Variants in SULT1B1 observed in about 807,000 individuals in gnomAD.
SULT1B1 encodes the protein sulfotransferase 1B1.
SULT1B1 carries 28 observed loss-of-function variants against 34.6 expected under a neutral mutation model. That is an observed-to-expected ratio of 0.81 (90% confidence interval 0.60 to 1.11). The LOEUF (loss-of-function observed/expected upper bound fraction) is 1.11, where lower values mean the gene tolerates loss of function less well. Ranked by LOEUF, SULT1B1 falls within the 50% of genes least tolerant of loss-of-function variation. The pLI, the probability that SULT1B1 is intolerant of heterozygous loss-of-function variation, is 0.00. For synonymous variants in SULT1B1, 147 were observed against 110.2 expected, an observed-to-expected ratio of 1.33 and a Z score of -2.09; for missense variants, 374 against 352.2, an observed-to-expected ratio of 1.06 and a Z score of -0.50.
intron 1 of SULT1B1, among the ~76,000 whole-genome samples, chr4:69,756,035 A>T (rs1258074234): frequency 6.6e-6 from 1 of 152,124 alleles, no homozygotes; most frequent in Non-Finnish European, 1.5e-5. Flanking sequence ...TGTAATTACT[A>T]ACCTTTTCTT....
At chr4:69,759,672 T>A (rs1188764122) in intron 1 of SULT1B1, among the ~76,000 whole-genome samples, 2 of 152,222 alleles carry the variant, frequency 1.3e-5, no homozygotes, top group Non-Finnish European at 2.9e-5. Flanking sequence ...AAATAATTAA[T>A]ATAATTAAAC....
chr4:69,745,760 G>T (rs552539001), intron 4 of SULT1B1, among the ~76,000 whole-genome samples: 2 of 152,322 alleles, frequency 1.3e-5, no homozygotes, highest in East Asian at 3.9e-4. Context: ...TGTGCTGTCA[G>T]ATGGTTATTA....
chr4:69,739,282 T>C (rs1266506825), intron 4 of SULT1B1, among the ~76,000 whole-genome samples: 1 of 152,222 alleles, frequency 6.6e-6, no homozygotes, highest in East Asian at 1.9e-4. Flanking sequence ...AGGTTCTCCA[T>C]GAGAGCTCCG....
chr4:69,729,141 C>T (rs116517287), intron 7 of SULT1B1, among the ~76,000 whole-genome samples: 1,792 of 151,940 alleles, frequency 0.012, 41 homozygotes, highest in African/African-American at 0.041. Context: ...TGAGAATTTG[C>T]CTTGTTTAAT....
chr4:69,748,804 A>G (rs779139671), intron 4 of SULT1B1, among the ~76,000 whole-genome samples: 2 of 152,170 alleles, frequency 1.3e-5, no homozygotes, highest in African/African-American at 4.8e-5. Context: ...TGTGCATAGC[A>G]TTGAGTGCAA....
In SULT1B1 at chr4:69,733,429, T is replaced by C. The variant is rs762448974; in HGVS notation, c.581A>G (p.Tyr194Cys). ...KEEHPILFLY[Y>C]EDMKENPKEE... ...CCATTTTACCTCTTTCATATCTTCATAGTACAAAAAAAGTATTGGGTGTTC... is the reference window on the plus strand; with the variant it reads ...CCATTTTACCTCTTTCATATCTTCACAGTACAAAAAAAGTATTGGGTGTTC... Residue 194 changes from tyrosine to cysteine, a missense_variant, in exon 6 of 8, where the codon TAT becomes TGT. Physicochemically the swap from Tyr to Cys is radical, Grantham distance 194. Coordinates refer to ENST00000310613, the MANE Select transcript of SULT1B1 (RefSeq NM_014465.4). 1.3e-4 allele frequency: 208 copies of C among 1,605,370 alleles called. No homozygotes were observed. The highest frequency in any genetic ancestry group is 1.7e-4 in the Non-Finnish European group (200 of 1,176,254).
Position 69,725,112 on chromosome 4 carries a change from A to G in SULT1B1, c.*1976T>C, listed in dbSNP as rs1196709600. On this transcript the variant is annotated 3_prime_UTR_variant, in exon 8 of 8. Coordinates refer to ENST00000310613, the MANE Select transcript of SULT1B1 (RefSeq NM_014465.4). ...CTACAGAATGGGAGAAAATTTTTGC[A>G]ATCTACTCATCTGACAAAGGGCTAA... The G allele has an allele frequency of 2.0e-5, 3 of 152,010 alleles. No individual in the cohort carries two copies. Among genetic ancestry groups the G allele is most frequent in the African/African-American group, 7.3e-5 (3 of 41,292 alleles). 9.4% of individuals were successfully genotyped at this position (152,010 alleles called of 1,614,324 possible). A position where few individuals can be genotyped will look rare whatever the true frequency, so the allele number is the denominator to read the frequency against.
intron 1 of SULT1B1, among the ~76,000 whole-genome samples, chr4:69,757,274 G>T (rs2110033615): frequency 6.6e-6 from 1 of 152,144 alleles, no homozygotes; most frequent in Non-Finnish European, 1.5e-5. Flanking sequence ...TGTATAGATA[G>T]AATTTGAACT....
chr4:69,752,414 TA>T (rs1414301377), intron 3 of SULT1B1, among the ~76,000 whole-genome samples: 1 of 152,176 alleles, frequency 6.6e-6, no homozygotes, highest in Non-Finnish European at 1.5e-5. Context: ...CTTGGTCAGA[TA>T]AATTAAGTAC....
intron 3 of SULT1B1, among the ~76,000 whole-genome samples, chr4:69,751,747 C>CGGCCTAGA (rs1349286985): frequency 6.6e-6 from 1 of 152,182 alleles, no homozygotes; most frequent in Non-Finnish European, 1.5e-5. Flanking sequence ...CCACCGCGCC[C>CGGCCTAGA]GGCCTAGAGT....
intron 4 of SULT1B1, among the ~76,000 whole-genome samples, chr4:69,748,580 C>G (rs537057963): frequency 2.5e-4 from 38 of 152,136 alleles, no homozygotes; most frequent in Non-Finnish European, 5.0e-4. Flanking sequence ...GCAACCTGCT[C>G]AAGAGCTCAG....
intron 1 of SULT1B1, 102 bp from the exon 2 acceptor site, chr4:69,755,363 G>A (rs1436139043): frequency 2.3e-5 from 19 of 821,474 alleles, no homozygotes; most frequent in African/African-American, 2.1e-4. Context: ...AACATTCTGC[G>A]CACATGGAGA....
intron 1 of SULT1B1, among the ~76,000 whole-genome samples, chr4:69,759,452 G>A (rs1229568727): frequency 6.6e-6 from 1 of 152,158 alleles, no homozygotes; most frequent in Non-Finnish European, 1.5e-5. Context: ...TAAAATTGTT[G>A]CCGGAGAAGG....
chr4:69,737,396 T>A (rs1718360241), intron 4 of SULT1B1, among the ~76,000 whole-genome samples: 2 of 152,040 alleles, frequency 1.3e-5, no homozygotes, highest in Admixed American at 6.6e-5. Context: ...ATGAAAACTT[T>A]AGAAAAGAAA....
rs561657148 is a variant in SULT1B1 at position 69,738,381 on chromosome 4, G to T, written c.376-4117C>A. On this transcript the variant is annotated intron_variant, in intron 4 of 7. Coordinates refer to ENST00000310613, the MANE Select transcript of SULT1B1 (RefSeq NM_014465.4). ...GTTCTGCATTGCTGGAGAAGCCTCA[G>T]GAAACTTACAATCATGGCAGAAGCA... Among the ~76,000 whole-genome samples the T allele has an allele frequency of 2.0e-5, 3 of 152,314 alleles. No homozygotes were observed. In the East Asian group the frequency reaches 5.8e-4, roughly 29 times the overall value.
At chr4:69,751,404 TAGCAATGTA>T (rs1718975472) in intron 3 of SULT1B1, among the ~76,000 whole-genome samples, 1 of 152,210 alleles carries the variant, frequency 6.6e-6, no homozygotes, top group African/African-American at 2.4e-5. Context: ...GTATGAGTGT[TAGCAATGTA>T]TAAAGACAAC....
chr4:69,740,620 A>G (rs964368263), intron 4 of SULT1B1, among the ~76,000 whole-genome samples: 4 of 152,230 alleles, frequency 2.6e-5, no homozygotes, highest in Non-Finnish European at 5.9e-5. Flanking sequence ...GACTAGTGCT[A>G]TGATGAACAT....
intron 7 of SULT1B1, among the ~76,000 whole-genome samples, chr4:69,728,767 A>C (rs2110016152): frequency 6.6e-6 from 1 of 152,120 alleles, no homozygotes; most frequent in South Asian, 2.1e-4. Flanking sequence ...CATATAATTT[A>C]CCATAATCCT....
intron 7 of SULT1B1, among the ~76,000 whole-genome samples, chr4:69,730,061 G>A (rs1718011518): frequency 6.6e-6 from 1 of 151,996 alleles, no homozygotes; most frequent in African/African-American, 2.4e-5. Flanking sequence ...TCCTTTTGGT[G>A]AATTATTTTT....
Sources: allele counts gnomAD v4.1 joint callset (sites outside exome capture counted in the v4.1 genomes callset), GRCh38; gene constraint gnomAD v4.1.1; transcripts MANE v1.5; gene names NCBI Gene and HGNC (gene_info 2026-07-23, HGNC 2026-07-21).